The following RNF150 variants were observed in gnomAD, a reference collection of about 807,000 sequenced individuals.
The protein encoded by RNF150 is ring finger protein 150.
RNF150 carries 24 observed loss-of-function variants against 39.3 expected under a neutral mutation model. The ratio of observed to expected loss-of-function variants is 0.61; its 90% CI spans 0.44 to 0.86. The LOEUF (loss-of-function observed/expected upper bound fraction) is 0.86. Ranked by LOEUF, RNF150 falls within the 40% of genes least tolerant of loss-of-function variation. The probability of loss-of-function intolerance (pLI) is 0.00; values close to 1 mark genes in which losing one functional copy is unlikely to be tolerated. For synonymous variants in RNF150, 255 were observed against 227.3 expected (o/e 1.12, Z -1.10); for missense variants, 502 against 587.8 (o/e 0.85, Z 1.51).
intron 1 of RNF150, among the ~76,000 whole-genome samples, chr4:141,019,080 A>ACG (rs1735388963): frequency 7.3e-6 from 1 of 136,838 alleles, no homozygotes; most frequent in South Asian, 2.3e-4. Context: ...ATATATATAT[A>ACG]TGGAACTTTA....
chr4:140,960,214 C>A (rs1732965922), intron 2 of RNF150, among the ~76,000 whole-genome samples: 1 of 152,116 alleles, frequency 6.6e-6, no homozygotes, highest in South Asian at 2.1e-4. Flanking sequence ...TTCTCTCACA[C>A]ATATGGTAAC....
intron 2 of RNF150, among the ~76,000 whole-genome samples, chr4:140,953,503 T>A (rs184921533): frequency 7.5e-6 from 1 of 132,470 alleles, no homozygotes; most frequent in Admixed American, 8.4e-5. Context: ...TATGATGATA[T>A]GGGACCATGT....
intron 1 of RNF150, among the ~76,000 whole-genome samples, chr4:141,079,269 C>T (rs867062614): frequency 1.3e-5 from 2 of 152,090 alleles, no homozygotes; most frequent in Non-Finnish European, 2.9e-5. Context: ...TTTGACAAAC[C>T]CTATCAGATT....
chr4:141,110,367 C>T (rs113491225), intron 1 of RNF150, among the ~76,000 whole-genome samples: 33 of 152,240 alleles, frequency 2.2e-4, no homozygotes, highest in African/African-American at 7.7e-4. Context: ...ACAGGATTCA[C>T]GGCTCTTTCT....
At position 140,860,731 on chromosome 4, in the gene RNF150, T is replaced by C. The variant is rs1728453251; in HGVS notation, c.*7530A>G. 1 of 152,232 alleles carries C rather than the reference T, an allele frequency of 6.6e-6. No homozygotes were observed. The highest frequency in any genetic ancestry group is 6.5e-5 in the Admixed American group (1 of 15,290). The allele number at this position is 152,232 out of a possible 1,614,324, so 9.4% of individuals were successfully genotyped here. A position where few individuals can be genotyped will look rare whatever the true frequency, so the allele number is the denominator to read the frequency against. On this transcript the variant is annotated 3_prime_UTR_variant, in exon 7 of 7. Transcript: ENST00000515673. ...ATGTCTGATTATTTATAATTGTAAA[T>C]TCATTATTTGCAGATTTTTTTCTAG...
chr4:140,956,825 A>G (rs1221270177), intron 2 of RNF150, among the ~76,000 whole-genome samples: 1 of 151,508 alleles, frequency 6.6e-6, no homozygotes, highest in African/African-American at 2.4e-5. Flanking sequence ...TATTTAATAA[A>G]TGGTGCTGGG....
Position 141,097,378 on chromosome 4 carries a change from T to C in RNF150, c.484+34947A>G, listed in dbSNP as rs1157937351. ...GCAAACTTTGCTTATATTTTCTTCATACATATAGTTGGGCATAATCAGTGG... is the reference window on the plus strand; with the variant it reads ...GCAAACTTTGCTTATATTTTCTTCACACATATAGTTGGGCATAATCAGTGG... On this transcript the variant is annotated intron_variant, in intron 1 of 6. Coordinates refer to ENST00000515673, the MANE Select transcript of RNF150 (RefSeq NM_020724.2). Among the ~76,000 whole-genome samples the C allele has an allele frequency of 2.0e-5, 3 of 152,220 alleles. No homozygotes were observed. In the East Asian group the frequency reaches 5.8e-4, roughly 29 times the overall value.
chr4:141,157,272 G>A (rs1727428743), intron 1 of RNF150, among the ~76,000 whole-genome samples: 1 of 152,122 alleles, frequency 6.6e-6, no homozygotes, highest in Non-Finnish European at 1.5e-5. Flanking sequence ...TAAATAGTGA[G>A]AAAAATATTT....
intron 1 of RNF150, among the ~76,000 whole-genome samples, chr4:140,988,123 G>A (rs1262007189): frequency 6.6e-6 from 1 of 152,158 alleles, no homozygotes; most frequent in Non-Finnish European, 1.5e-5. Flanking sequence ...TGAGGTTGCA[G>A]AGAAAAGGGA....
intron 1 of RNF150, among the ~76,000 whole-genome samples, chr4:141,079,601 G>C (rs748961345): frequency 8.5e-5 from 13 of 152,206 alleles, no homozygotes; most frequent in Non-Finnish European, 1.5e-4. Flanking sequence ...AGCAGCTGCT[G>C]TTGCTTTATT....
At chr4:141,153,369 C>T (rs796512032) in intron 1 of RNF150, among the ~76,000 whole-genome samples, 2 of 152,124 alleles carry the variant, frequency 1.3e-5, no homozygotes, top group African/African-American at 2.4e-5. Context: ...GCTGATGTCC[C>T]TAAAGAAAGA....
At chr4:141,174,650 A>G (rs1727779505) in intron 1 of RNF150, among the ~76,000 whole-genome samples, 1 of 152,130 alleles carries the variant, frequency 6.6e-6, no homozygotes, top group Non-Finnish European at 1.5e-5. Context: ...CTGCCTTGAA[A>G]GGCAGACCAC....
At chr4:141,188,007 G>A (rs1371794832) in intron 1 of RNF150, among the ~76,000 whole-genome samples, 1 of 152,000 alleles carries the variant, frequency 6.6e-6, no homozygotes, top group Non-Finnish European at 1.5e-5. Context: ...TCCATATTTA[G>A]TGCTTCCTTC....
Position 141,067,193 on chromosome 4 carries a change from T to C in RNF150, c.484+65132A>G, listed in dbSNP as rs1737494510. On this transcript the variant is annotated intron_variant, in intron 1 of 6. Coordinates refer to ENST00000515673, the MANE Select transcript of RNF150 (RefSeq NM_020724.2). The stretch of plus-strand genomic sequence containing the variant: ...TGCCTAATTCAGTTTTTATGTGCAA[T>C]TGCTTTAAGAATAGATAATCTGTTG... 2.6e-5 allele frequency among the ~76,000 whole-genome samples: 4 copies of C among 152,330 alleles called. No homozygotes were observed. The South Asian group carries it at 8.3e-4, about 32-fold the overall frequency.
At chr4:141,070,416 A>G (rs1737646452) in intron 1 of RNF150, among the ~76,000 whole-genome samples, 1 of 148,710 alleles carries the variant, frequency 6.7e-6, no homozygotes, top group East Asian at 2.0e-4. Context: ...CTGCACAGCA[A>G]AAGAAACTAC....
chr4:141,030,649 A>G (rs1196163747), intron 1 of RNF150, among the ~76,000 whole-genome samples: 1 of 152,242 alleles, frequency 6.6e-6, no homozygotes, highest in African/African-American at 2.4e-5. Context: ...GATGTAACAC[A>G]TGATTGTCAA....
intron 1 of RNF150, among the ~76,000 whole-genome samples, chr4:141,022,099 G>T (rs878885267): frequency 6.6e-6 from 1 of 152,160 alleles, no homozygotes; most frequent in Admixed American, 6.6e-5. Context: ...CAATTTAAGA[G>T]AATAAGGGGT....
At chr4:140,882,222 T>C (rs935599280) in intron 6 of RNF150, among the ~76,000 whole-genome samples, 2 of 152,158 alleles carry the variant, frequency 1.3e-5, no homozygotes, top group Non-Finnish European at 2.9e-5. Flanking sequence ...GGTTTCACCA[T>C]GTTAGCCAGG....
chr4:140,992,369 T>C (rs1234158499), intron 1 of RNF150, among the ~76,000 whole-genome samples: 1 of 151,886 alleles, frequency 6.6e-6, no homozygotes, highest in Non-Finnish European at 1.5e-5. Flanking sequence ...ATCCCATCTC[T>C]ACAAAATAAC....
Sources: allele counts gnomAD v4.1 joint callset (sites outside exome capture counted in the v4.1 genomes callset), GRCh38; gene constraint gnomAD v4.1.1; transcripts MANE v1.5; gene names NCBI Gene and HGNC (gene_info 2026-07-23, HGNC 2026-07-21).